Variants in VAT1L observed in about 807,000 individuals in gnomAD.
VAT1L encodes vesicle amine transport 1 like, also known as putative NADPH-dependent quinone oxidoreductase VAT1L.
VAT1L carries 34 observed loss-of-function variants against 44.1 expected under a neutral mutation model. The observed-to-expected ratio is 0.77, with a 90% CI of 0.59 to 1.03. The LOEUF is 1.03. Ranked by LOEUF, VAT1L falls within the 50% of genes least tolerant of loss-of-function variation. VAT1L has a pLI of 0.00. For synonymous variants in VAT1L, 253 were observed against 202.2 expected (o/e 1.25, Z -2.13); for missense variants, 615 against 538.8 (o/e 1.14, Z -1.40).
intron 6 of VAT1L, among the ~76,000 whole-genome samples, chr16:77,880,568 T>A (rs1312707484): frequency 2.0e-5 from 3 of 150,282 alleles, no homozygotes; most frequent in East Asian, 3.9e-4. Flanking sequence ...TTGCTTTTTT[T>A]TTTTCTTCGC....
At chr16:77,858,024 A>C (rs1160460032) in intron 3 of VAT1L, among the ~76,000 whole-genome samples, 1 of 152,096 alleles carries the variant, frequency 6.6e-6, no homozygotes, top group African/African-American at 2.4e-5. Flanking sequence ...CCAGTTTCTC[A>C]TGCATCCGTC....
chr16:77,838,260 A>G (rs1455201184), intron 3 of VAT1L, among the ~76,000 whole-genome samples: 1 of 152,194 alleles, frequency 6.6e-6, no homozygotes, highest in African/African-American at 2.4e-5. Flanking sequence ...CCAAAAGGCC[A>G]CAGTTGCTTT....
At chr16:77,931,881 T>A (rs1021981374) in intron 7 of VAT1L, among the ~76,000 whole-genome samples, 16 of 152,220 alleles carry the variant, frequency 1.1e-4, no homozygotes, top group Non-Finnish European at 2.2e-4. Flanking sequence ...TTTGACTTGC[T>A]ATTTTTTATA....
chr16:77,869,658 G>C (rs899040723), intron 4 of VAT1L, among the ~76,000 whole-genome samples: 2 of 152,080 alleles, frequency 1.3e-5, no homozygotes, highest in Admixed American at 1.3e-4. Context: ...AACAGAACAA[G>C]ACCCAGTCTC....
At chr16:77,968,241 C>G (rs1259454449) in intron 7 of VAT1L, among the ~76,000 whole-genome samples, 1 of 152,006 alleles carries the variant, frequency 6.6e-6, no homozygotes, top group Non-Finnish European at 1.5e-5. Context: ...GGGTCCTGAT[C>G]CAGACCCCAA....
intron 7 of VAT1L, among the ~76,000 whole-genome samples, chr16:77,949,703 G>A (rs926467211): frequency 6.6e-6 from 1 of 152,222 alleles, no homozygotes; most frequent in Non-Finnish European, 1.5e-5. Context: ...GCCATGAGCA[G>A]AAACAGCCTG....
At chr16:77,927,337 C>CAA (rs113375025) in intron 7 of VAT1L, among the ~76,000 whole-genome samples, 19,475 of 119,284 alleles carry the variant, frequency 0.16, 1,742 homozygotes, top group Non-Finnish European at 0.21. Context: ...GACTCCATCT[C>CAA]AAAAAAAAAA....
chr16:77,824,930 G>A (rs2016501484), intron 2 of VAT1L, among the ~76,000 whole-genome samples: 1 of 126,426 alleles, frequency 7.9e-6, no homozygotes, highest in Non-Finnish European at 1.6e-5. Flanking sequence ...GCAATGGCAT[G>A]ATCTCAGCTC....
At position 77,790,279 on chromosome 16, in the gene VAT1L, G is replaced by A. The variant is rs13332523; in HGVS notation, c.233+1364G>A. 9.4e-3 allele frequency among the ~76,000 whole-genome samples: 1,424 copies of A among 152,252 alleles called. 24 individuals are homozygous for A. Among genetic ancestry groups the A allele is most frequent in the African/African-American group, 0.032 (1,317 of 41,548 alleles). The stretch of plus-strand genomic sequence containing the variant: ...TCGTGAGTCTCTGTGGGGAATTCCG[G>A]GTAAGGGAAGAGGCTTTTGCAAACC... On this transcript the variant is annotated intron_variant, in intron 1 of 8. Transcript: ENST00000302536.
intron 7 of VAT1L, among the ~76,000 whole-genome samples, chr16:77,958,127 C>CA (rs2018123717): frequency 6.6e-6 from 1 of 152,074 alleles, no homozygotes; most frequent in African/African-American, 2.4e-5. Context: ...AGGCTGGCCT[C>CA]AAACTCCTGG....
chr16:77,796,309 C>T (rs2015933053), intron 1 of VAT1L, among the ~76,000 whole-genome samples: 1 of 152,142 alleles, frequency 6.6e-6, no homozygotes, highest in African/African-American at 2.4e-5. Flanking sequence ...GATTATTGCA[C>T]CCACCCTACC....
chr16:77,801,973 T>C (rs1028488195), intron 1 of VAT1L, among the ~76,000 whole-genome samples: 4 of 152,170 alleles, frequency 2.6e-5, no homozygotes, highest in Non-Finnish European at 2.9e-5. Context: ...CAGCCATCCA[T>C]GCGCCCACCT....
rs2017185033 is a variant in VAT1L, at chr16:77,884,257, C to G, written c.883-351C>G. 6.6e-6 allele frequency among the ~76,000 whole-genome samples: 1 copy of G among 151,928 alleles called. No individual in the cohort carries two copies. The highest frequency in any genetic ancestry group is 2.1e-4 in the South Asian group (1 of 4,800). On this transcript the variant is annotated intron_variant, in intron 6 of 8. Coordinates refer to ENST00000302536, the MANE Select transcript of VAT1L (RefSeq NM_020927.3). This position sits in a 1 kb window ranked among gnomAD's most constrained non-coding sequence, Gnocchi z 4.5. ...TGGCCAAGATGGTGAAACCCCATCC[C>G]TACTAAAAATACAAAAATTAGCTGG... is the stretch of plus-strand genomic sequence containing the variant.
Position 77,788,655 on chromosome 16 carries a change from G to C in VAT1L, c.-28G>C, listed in dbSNP as rs1947480365. ...CGCCGCAGCCACCGCAGCCACCGCA[G>C]CCCGTGCGCCCCGCGCCCTCGAGCG... is the stretch of plus-strand genomic sequence containing the variant. On this transcript the variant is annotated 5_prime_UTR_variant, in exon 1 of 9. Coordinates refer to ENST00000302536, the MANE Select transcript of VAT1L (RefSeq NM_020927.3). 2 of 1,546,254 alleles carry C rather than the reference G, an allele frequency of 1.3e-6. No homozygotes were observed. The highest frequency in any genetic ancestry group is 1.7e-6 in the Non-Finnish European group (2 of 1,145,410).
At position 77,884,564 on chromosome 16, in the gene VAT1L, C is replaced by G. The variant is rs763531663; in HGVS notation, c.883-44C>G. ...GCAATGCTGCCAATGTAGGCTTAAC[C>G]CCGGTATTGAGTTCCTATAACCCAA... On this transcript the variant is annotated intron_variant, in intron 6 of 8. Transcript: ENST00000302536. This position sits in a 1 kb window ranked among gnomAD's most constrained non-coding sequence, Gnocchi z 4.5. The G allele has an allele frequency of 6.3e-7, 1 of 1,581,452 alleles. No homozygotes were observed. The highest frequency in any genetic ancestry group is 8.6e-7 in the Non-Finnish European group (1 of 1,161,830).
chr16:77,970,619 T>C (rs976191336), intron 7 of VAT1L, among the ~76,000 whole-genome samples: 2 of 152,228 alleles, frequency 1.3e-5, no homozygotes, highest in Non-Finnish European at 2.9e-5. Context: ...CCCTTATCTC[T>C]GGGACATATA....
chr16:77,971,868 C>A lies in VAT1L; in HGVS notation c.1096C>A (p.Arg366=). 6.2e-7 allele frequency: 1 copy of A among 1,613,632 alleles called. No homozygotes were observed. The highest frequency in any genetic ancestry group is 8.5e-7 in the Non-Finnish European group (1 of 1,179,782). ...CGCGCAGGTGAAGGAGGCCATGCAG[C>A]GGATTCACGACCGAGGGAACATTGG... ...ALEEVKEAMQ[R]IHDRGNIGKL... Residue 366 remains arginine (R), a synonymous_variant, in exon 8 of 9, where the codon CGG becomes AGG. Coordinates refer to ENST00000302536, the MANE Select transcript of VAT1L (RefSeq NM_020927.3).
chr16:77,886,396 C>T (rs2017209995), intron 7 of VAT1L, among the ~76,000 whole-genome samples: 1 of 152,148 alleles, frequency 6.6e-6, no homozygotes, highest in African/African-American at 2.4e-5. Context: ...TATACTTGTC[C>T]ATGGGCCAGA....
chr16:77,915,726 T>C (rs990028708), intron 7 of VAT1L, among the ~76,000 whole-genome samples: 2 of 152,214 alleles, frequency 1.3e-5, no homozygotes, highest in East Asian at 1.9e-4. Context: ...GGAGAACTAA[T>C]GGCAAGTGAG....
Sources: allele counts gnomAD v4.1 joint callset (sites outside exome capture counted in the v4.1 genomes callset), GRCh38; gene constraint gnomAD v4.1.1; non-coding constraint Gnocchi (gnomAD v3.1); transcripts MANE v1.5; gene names NCBI Gene and HGNC (gene_info 2026-07-23, HGNC 2026-07-21).